COBL: variants seen among roughly 807,000 people sequenced by gnomAD.
The protein encoded by COBL is cordon-bleu WH2 repeat protein, also known as protein cordon-bleu.
A neutral mutation model predicts 98.8 loss-of-function variants in COBL; 51 were observed. The ratio of observed to expected loss-of-function variants is 0.52; its 90% CI spans 0.41 to 0.65. The LOEUF (loss-of-function observed/expected upper bound fraction) is 0.65, where lower values mean the gene tolerates loss of function less well. Ranked by LOEUF, COBL falls within the 30% of genes least tolerant of loss-of-function variation. COBL has a pLI of 0.00. For missense variants in COBL, 1,617 were observed against 1,617.5 expected, an observed-to-expected ratio of 1.00 and a Z score of 0.01; for synonymous variants, 634 against 651.7, an observed-to-expected ratio of 0.97 and a Z score of 0.41.
At chr7:51,133,710 TG>T (rs1366037238) in intron 6 of COBL, among the ~76,000 whole-genome samples, 1 of 152,204 alleles carries the variant, frequency 6.6e-6, no homozygotes. Context: ...GGAAGAGCCA[TG>T]GGATCTGAGA....
rs760992187 is a variant in COBL at position 51,085,190 on chromosome 7, CCTT to C, written c.1069_1071del (p.Lys357del). 12 of 1,613,918 alleles carry C rather than the reference CCTT, an allele frequency of 7.4e-6. No homozygotes were observed. Among genetic ancestry groups the C allele is most frequent in the Middle Eastern group, 1.6e-4 (1 of 6,084 alleles). ...CCCATCGTGCTCTTCCTGTTCTCCT[CCTT>C]ATCCTCAGTGCGGTTGGGGATCAGG... On this transcript the variant is annotated inframe_deletion, in exon 7 of 13. Transcript: ENST00000265136.
At chr7:51,248,107 C>G (rs1198731057) in intron 1 of COBL, among the ~76,000 whole-genome samples, 1 of 152,202 alleles carries the variant, frequency 6.6e-6, no homozygotes, top group African/African-American at 2.4e-5. Flanking sequence ...CCACTACACT[C>G]AAGCCCAGGC....
At chr7:51,049,508 C>T (rs759554950) in intron 7 of COBL, among the ~76,000 whole-genome samples, 12 of 152,136 alleles carry the variant, frequency 7.9e-5, no homozygotes, top group Admixed American at 2.0e-4. Flanking sequence ...CCCAGAAGAA[C>T]GTGTACCCAG....
intron 6 of COBL, among the ~76,000 whole-genome samples, chr7:51,133,584 A>T (rs1390220983): frequency 6.6e-6 from 1 of 152,140 alleles, no homozygotes; most frequent in East Asian, 1.9e-4. Flanking sequence ...CCTTTGGGTG[A>T]TCTGATGCCC....
intron 2 of COBL, among the ~76,000 whole-genome samples, chr7:51,203,609 T>C (rs1424789441): frequency 6.9e-6 from 1 of 144,232 alleles, no homozygotes; most frequent in African/African-American, 2.6e-5. Context: ...CACTAACAAA[T>C]CACATCATCC....
At position 51,136,291 on chromosome 7, in the gene COBL, C is replaced by T. The variant is rs769403439; in HGVS notation, c.824G>A (p.Arg275His). 2 of 1,614,002 alleles carry T rather than the reference C, an allele frequency of 1.2e-6. No individual in the cohort carries two copies. The highest frequency in any genetic ancestry group is 1.1e-5 in the South Asian group (1 of 91,056). The change falls in exon 6 of 13, where the codon CGT becomes CAT. Residue 275 changes from arginine (R) to histidine (H), a missense_variant. Coordinates refer to ENST00000265136, the MANE Select transcript of COBL (RefSeq NM_015198.5). Reference protein sequence around the residue: ...TTPNSPSMHSRSLTLGPSLSL... With the variant: ...TTPNSPSMHSHSLTLGPSLSL... ...GAGGGATGGACCCAGCGTAAGAGAA[C>T]GTGAGTGCATGGATGGGGAGTTGGG...
intron 7 of COBL, among the ~76,000 whole-genome samples, chr7:51,066,656 G>A (rs1791959099): frequency 1.3e-5 from 2 of 152,152 alleles, no homozygotes; most frequent in African/African-American, 4.8e-5. Context: ...GCATGGGAAG[G>A]GGGTGCCACT....
At chr7:51,236,791 C>G (rs925023249) in intron 1 of COBL, among the ~76,000 whole-genome samples, 5 of 152,170 alleles carry the variant, frequency 3.3e-5, no homozygotes, top group African/African-American at 1.2e-4. Context: ...ATCTGGTACA[C>G]GATGCACTCA....
intron 8 of COBL, chr7:51,032,925 T>C (rs1788299117): frequency 6.6e-6 from 1 of 152,184 alleles, no homozygotes; most frequent in African/African-American, 2.4e-5. Flanking sequence ...ACTTTTTAAA[T>C]GCTTGCTCTT....
chr7:51,142,501 A>G (rs1425649162), intron 5 of COBL, among the ~76,000 whole-genome samples: 2 of 148,320 alleles, frequency 1.3e-5, no homozygotes, highest in East Asian at 4.0e-4. Flanking sequence ...CTCCTGCCTC[A>G]GCCTCCTGAG....
chr7:51,144,506 T>C (rs1445859341), intron 5 of COBL, among the ~76,000 whole-genome samples: 1 of 152,248 alleles, frequency 6.6e-6, no homozygotes, highest in African/African-American at 2.4e-5. Flanking sequence ...AAGCATTGGC[T>C]GTTTTCCTTT....
intron 6 of COBL, among the ~76,000 whole-genome samples, chr7:51,086,361 A>G (rs1432161896): frequency 4.7e-4 from 17 of 36,016 alleles, no homozygotes; most frequent in Non-Finnish European, 8.0e-4. Context: ...TGTCTCAGAA[A>G]AAAAAAAAAA....
intron 8 of COBL, among the ~76,000 whole-genome samples, chr7:51,043,127 G>GAACAAACAA (rs1789363394): frequency 6.6e-6 from 1 of 152,200 alleles, no homozygotes; most frequent in South Asian, 2.1e-4. Context: ...TTACAAACAT[G>GAACAAACAA]ATATTGAGTA....
Position 51,048,711 on chromosome 7 carries a change from A to G in COBL, c.1097-5019T>C, listed in dbSNP as rs75133878. Among the ~76,000 whole-genome samples the G allele has an allele frequency of 1.1e-3, 165 of 152,198 alleles. 4 individuals are homozygous for G. The East Asian group carries it at 0.028, about 25-fold the overall frequency. On this transcript the variant is annotated intron_variant, in intron 7 of 12. Transcript: ENST00000265136. The stretch of plus-strand genomic sequence containing the variant: ...AATGTAATTTTCATTTTCCCTCACC[A>G]TAAGCAAGTTGTATTAAATTCCTTT...
chr7:51,247,091 C>T (rs779652542), intron 1 of COBL, among the ~76,000 whole-genome samples: 13 of 152,326 alleles, frequency 8.5e-5, no homozygotes, highest in East Asian at 1.9e-4. Context: ...TTGTGGTGAC[C>T]GTGCACCCTT....
intron 1 of COBL, among the ~76,000 whole-genome samples, chr7:51,276,769 G>A (rs879455816): frequency 1.3e-5 from 2 of 152,188 alleles, no homozygotes; most frequent in Non-Finnish European, 2.9e-5. Flanking sequence ...ACCTCCAGGA[G>A]ATGGGAGGAA....
intron 1 of COBL, among the ~76,000 whole-genome samples, chr7:51,313,359 C>A (rs984317560): frequency 2.6e-5 from 4 of 152,146 alleles, no homozygotes; most frequent in African/African-American, 4.8e-5. Context: ...GCGGCACCGA[C>A]AGGACTAGAG....
intron 7 of COBL, among the ~76,000 whole-genome samples, chr7:51,065,605 C>T (rs1355448506): frequency 6.6e-6 from 1 of 152,250 alleles, no homozygotes; most frequent in African/African-American, 2.4e-5. Context: ...AGGCCTCCAA[C>T]AGGGCCAAGC....
intron 1 of COBL, among the ~76,000 whole-genome samples, chr7:51,301,095 G>C (rs1272984837): frequency 6.6e-6 from 1 of 152,126 alleles, no homozygotes; most frequent in Non-Finnish European, 1.5e-5. Context: ...TGAGTGCGGT[G>C]GGATACACGC....
Sources: gnomAD v4.1 joint callset for allele counts (sites outside exome capture counted in the v4.1 genomes callset) on GRCh38, gnomAD v4.1.1 for gene constraint, MANE v1.5 for transcripts, NCBI Gene and HGNC (gene_info 2026-07-23, HGNC 2026-07-21) for gene names.